Variants in ADGRB1 observed in about 807,000 individuals in gnomAD.
ADGRB1 encodes brain-specific angiogenesis inhibitor 1.
Under a neutral mutation model 175.7 loss-of-function variants are expected in ADGRB1, and 36 were observed. That is an observed-to-expected ratio of 0.20 (90% confidence interval 0.16 to 0.27). The LOEUF (loss-of-function observed/expected upper bound fraction) is 0.27, where lower values mean the gene tolerates loss of function less well. ADGRB1 is among the 10% of genes least tolerant of loss of function. The pLI is 1.00. For synonymous variants in ADGRB1, 1,054 were observed against 979.4 expected (o/e 1.08, Z -1.42); for missense variants, 1,731 against 2,255.3 (o/e 0.77, Z 4.71).
intron 1 of ADGRB1, among the ~76,000 whole-genome samples, chr8:142,460,833 A>G (rs545405403): frequency 2.0e-5 from 3 of 151,988 alleles, no homozygotes; most frequent in Non-Finnish European, 4.4e-5. Context: ...CTCCTTCCCC[A>G]TGGCCACTCC....
chr8:142,464,935 A>C lies in ADGRB1; in HGVS notation c.737A>C (p.Asn246Thr). 6.5e-7 allele frequency: 1 copy of C among 1,528,408 alleles called. No homozygotes were observed. The highest frequency in any genetic ancestry group is 8.7e-7 in the Non-Finnish European group (1 of 1,143,146). The allele number at this position is 1,528,408 out of a possible 1,614,324, so 94.7% of individuals were successfully genotyped here. A position where few individuals can be genotyped will look rare whatever the true frequency, so the allele number is the denominator to read the frequency against. Residue 246 changes from asparagine (N) to threonine (T), a missense_variant, in exon 2 of 31, where the codon AAC becomes ACC. Transcript: ENST00000517894. ...LRDAVAGGPE[N>T]CLTSLTQDRG... ...GATGCGGTGGCTGGTGGCCCTGAAA[A>C]CTGCCTCACCAGCCTGACCCAGGAC...
chr8:142,469,606 CAT>C (rs576322792), intron 2 of ADGRB1, among the ~76,000 whole-genome samples: 34 of 132,066 alleles, frequency 2.6e-4, no homozygotes, highest in Middle Eastern at 5.2e-3. Flanking sequence ...TGTGCACGTG[CAT>C]GTGTGTGTAT....
chr8:142,478,454 G>A, intron 7 of ADGRB1, 94 bp downstream of exon 7: 1 of 1,372,208 alleles, frequency 7.3e-7, no homozygotes, highest in Non-Finnish European at 9.7e-7. Context: ...GGTAACCATG[G>A]GCCCCGGCAT....
At chr8:142,499,687 C>A (rs1468701016) in intron 17 of ADGRB1, among the ~76,000 whole-genome samples, 2 of 152,206 alleles carry the variant, frequency 1.3e-5, no homozygotes, top group East Asian at 1.9e-4. Flanking sequence ...CCTCCGGGGG[C>A]CCCTTGCCTG....
chr8:142,481,141 CCT>C, intron 9 of ADGRB1, 111 bp from the exon 10 acceptor site: 2 of 959,276 alleles, frequency 2.1e-6, no homozygotes, highest in Non-Finnish European at 3.3e-6. Context: ...TGGGCGAGTC[CCT>C]GTTTCTGGGG....
intron 17 of ADGRB1, among the ~76,000 whole-genome samples, chr8:142,508,136 G>A (rs1204581182): frequency 2.0e-5 from 3 of 152,204 alleles, no homozygotes; most frequent in Admixed American, 6.5e-5. Flanking sequence ...GCAAGGGACT[G>A]TCAGAGATAA....
chr8:142,487,787 C>T (rs535519126), intron 13 of ADGRB1, among the ~76,000 whole-genome samples: 6 of 152,338 alleles, frequency 3.9e-5, no homozygotes, highest in Middle Eastern at 3.4e-3. Flanking sequence ...AGGGCCCTTC[C>T]GCACCCCCAA....
At chr8:142,460,879 G>A (rs566880672) in intron 1 of ADGRB1, among the ~76,000 whole-genome samples, 1 of 152,192 alleles carries the variant, frequency 6.6e-6, no homozygotes, top group African/African-American at 2.4e-5. Flanking sequence ...TCACCCCAGG[G>A]TGACCCCAGC....
intron 16 of ADGRB1, 63 bp from the exon 17 acceptor site, chr8:142,490,709 G>A: frequency 6.6e-7 from 1 of 1,523,344 alleles, no homozygotes; most frequent in Non-Finnish European, 8.9e-7. Flanking sequence ...GTCCCATGGT[G>A]ACCCGAGGGT....
rs1374010522 is a variant in ADGRB1, at chr8:142,511,471, G to A, written c.2817+398G>A. Among the ~76,000 whole-genome samples, 1 of 152,180 alleles carries A rather than the reference G, an allele frequency of 6.6e-6. No homozygotes were observed. Among genetic ancestry groups the A allele is most frequent in the Non-Finnish European group, 1.5e-5 (1 of 68,016 alleles). On this transcript the variant is annotated intron_variant, in intron 18 of 30. Coordinates refer to ENST00000517894, the MANE Select transcript of ADGRB1 (RefSeq NM_001702.3). The surrounding 1 kb of genome is among the most constrained non-coding windows in gnomAD (Gnocchi z 4.5). ...TTCCCTTGGTCCTCTCCGCCTGCCAGGGAGAGGGAGGAGGAGGAGCTGCCG... is the reference window on the plus strand; with the variant it reads ...TTCCCTTGGTCCTCTCCGCCTGCCAAGGAGAGGGAGGAGGAGGAGCTGCCG...
intron 17 of ADGRB1, among the ~76,000 whole-genome samples, chr8:142,505,828 C>T (rs917939569): frequency 6.6e-5 from 10 of 152,120 alleles, no homozygotes; most frequent in Non-Finnish European, 1.3e-4. Flanking sequence ...CGGGTGGTGG[C>T]TGTGGAGGGT....
chr8:142,480,829 C>A (rs141733576), intron 9 of ADGRB1, among the ~76,000 whole-genome samples: 2 of 152,182 alleles, frequency 1.3e-5, no homozygotes, highest in Non-Finnish European at 2.9e-5. Context: ...CCAGCAGCAC[C>A]CCAAGGCTGC....
intron 1 of ADGRB1, among the ~76,000 whole-genome samples, chr8:142,462,250 G>C (rs555088417): frequency 6.6e-6 from 1 of 152,208 alleles, no homozygotes; most frequent in South Asian, 2.1e-4. Flanking sequence ...AGAGGGCCAG[G>C]TTGGGCCATG....
At chr8:142,516,642 GGTGTGTGTGTGT>G (rs10638916) in intron 18 of ADGRB1, among the ~76,000 whole-genome samples, 1 of 130,280 alleles carries the variant, frequency 7.7e-6, no homozygotes, top group Non-Finnish European at 1.6e-5. Context: ...GCGGGTCCCA[GGTGTGTGTGTGT>G]GTGTGTGTGG....
At chr8:142,466,664 G>A (rs1840292871) in intron 2 of ADGRB1, among the ~76,000 whole-genome samples, 5 of 152,246 alleles carry the variant, frequency 3.3e-5, no homozygotes, top group Admixed American at 3.3e-4. Flanking sequence ...GCCTTGGTGA[G>A]GGCGGCTTCT....
rs1422466538 is a variant in ADGRB1 at position 142,521,988 on chromosome 8, C to T, written c.3048C>T (p.Ala1016=). ...AGGTGGTGTGCACGCTGGTGGCCGC[C>T]TTCCTGCACTTCTTCTTCCTGTCCT... The part of the protein sequence containing the change: ...RNKVVCTLVA[A]FLHFFFLSSF... The change falls in exon 21 of 31, where the codon GCC becomes GCT. Residue 1016 remains alanine, a synonymous_variant. Coordinates refer to ENST00000517894, the MANE Select transcript of ADGRB1 (RefSeq NM_001702.3). 1 of 1,604,014 alleles carries T rather than the reference C, an allele frequency of 6.2e-7. No homozygotes were observed.
At position 142,481,522 on chromosome 8, in the gene ADGRB1, G is replaced by A. The variant is rs1282212443; in HGVS notation, c.1941G>A (p.Arg647=). The A allele has an allele frequency of 5.1e-6, 8 of 1,579,548 alleles. No homozygotes were observed. The African/African-American group carries it at 9.4e-5, about 19-fold the overall frequency. ...GCCCTCTCTGTCTTCCGCAGACCCG[G>A]GAGCACCTGGCCAAGGCTCAGCGAG... ...IDYRNIQMMT[R]EHLAKAQRGL... Residue 647 remains arginine (R), a synonymous_variant, in exon 11 of 31, where the codon CGG becomes CGA. Coordinates refer to ENST00000517894, the MANE Select transcript of ADGRB1 (RefSeq NM_001702.3).
At chr8:142,479,117 T>C in intron 7 of ADGRB1, 1 of 519,612 alleles carries the variant, frequency 1.9e-6, no homozygotes, top group Non-Finnish European at 3.1e-6. Flanking sequence ...GGGTGTTTGC[T>C]TTATTTTGTA....
chr8:142,536,346 TATC>T (rs1469045961), intron 25 of ADGRB1, among the ~76,000 whole-genome samples: 2 of 152,160 alleles, frequency 1.3e-5, no homozygotes, highest in African/African-American at 4.8e-5. Context: ...GTCTCCTGGA[TATC>T]CAGTCTTTAC....
Sources: allele counts gnomAD v4.1 joint callset (sites outside exome capture counted in the v4.1 genomes callset), GRCh38; gene constraint gnomAD v4.1.1; non-coding constraint Gnocchi (gnomAD v3.1); transcripts MANE v1.5; gene names NCBI Gene and HGNC (gene_info 2026-07-23, HGNC 2026-07-21).